The following MEI1 variants were observed in gnomAD, a reference collection of about 807,000 sequenced individuals.
The protein encoded by MEI1 is meiosis inhibitor protein 1.
A neutral mutation model predicts 146.2 loss-of-function variants in MEI1; 103 were observed. The ratio of observed to expected loss-of-function variants is 0.70; its 90% confidence interval spans 0.60 to 0.83. The LOEUF (loss-of-function observed/expected upper bound fraction) is 0.83, where lower values mean the gene tolerates loss of function less well. MEI1 is among the 40% of genes least tolerant of loss of function. The pLI is 0.00. For synonymous variants in MEI1, 652 were observed against 628.2 expected (o/e 1.04, Z -0.57); for missense variants, 1,529 against 1,533.0 (o/e 1.00, Z 0.04).
In MEI1 at chr22:41,732,610, G is replaced by C. The variant is rs1422469790; in HGVS notation, c.1331+7G>C. On this transcript the variant is annotated splice_region_variant and intron_variant, in intron 11 of 30. Transcript: ENST00000401548. The stretch of plus-strand genomic sequence containing the variant: ...CCACTTCTGCTTTTCTGAGGTGAGA[G>C]ACCCAGGCAGGCTGAACTTTCCATC... The C allele has an allele frequency of 2.5e-6, 4 of 1,611,114 alleles. No homozygotes were observed. The highest frequency in any genetic ancestry group is 3.4e-6 in the Non-Finnish European group (4 of 1,178,902).
intron 3 of MEI1, among the ~76,000 whole-genome samples, chr22:41,711,003 G>A (rs2069504147): frequency 6.6e-6 from 1 of 152,124 alleles, no homozygotes; most frequent in African/African-American, 2.4e-5. Flanking sequence ...GAGGGAAACA[G>A]GTGGATTAGC....
chr22:41,778,724 A>C lies in MEI1; in HGVS notation c.2727A>C (p.Pro909=). The change falls in exon 22 of 31, where the codon CCA becomes CCC. Residue 909 remains proline, a synonymous_variant. Transcript: ENST00000401548. ...TCTTCACAGCCTCGGGGAACCTACC[A>C]TTGCTGCTGAGCCTCCTCTCCCTGA... ...ASPSGASGNL[P]LLLSLLSLMQ... is the part of the protein sequence containing the mutation. 1 of 1,605,916 alleles carries C rather than the reference A, an allele frequency of 6.2e-7. No homozygotes were observed. The highest frequency in any genetic ancestry group is 8.5e-7 in the Non-Finnish European group (1 of 1,176,398).
chr22:41,770,952 C>T lies in MEI1; in HGVS notation c.2535C>T (p.Leu845=), dbSNP rs142374178. The change falls in exon 20 of 31, where the codon CTC becomes CTT. Residue 845 remains leucine (L), a synonymous_variant. Coordinates refer to ENST00000401548, the MANE Select transcript of MEI1 (RefSeq NM_152513.4). ...QLLRSIPSIL[L]ILLDLIYSSP... ...TCAGAAGCATCCCCAGCATCCTGCT[C>T]ATCTTGCTGGTAGGCAACCACTCAT... is the stretch of plus-strand genomic sequence containing the variant. The T allele has an allele frequency of 2.7e-4, 434 of 1,612,858 alleles. 1 individual carries two copies. In the African/African-American group the frequency reaches 5.3e-3, roughly 20 times the overall value.
intron 6 of MEI1, 24 bp downstream of exon 6, chr22:41,718,298 AAGGG>A (rs1453284813): frequency 5.0e-6 from 8 of 1,606,042 alleles, no homozygotes; most frequent in East Asian, 4.5e-5. Flanking sequence ...CTGGAGAAAA[AAGGG>A]AGAATAAGTT....
intron 20 of MEI1, among the ~76,000 whole-genome samples, chr22:41,775,352 C>T (rs1321711472): frequency 6.6e-6 from 1 of 152,086 alleles, no homozygotes; most frequent in Non-Finnish European, 1.5e-5. Context: ...CATCATTTCT[C>T]TTTCCTTCTT....
intron 2 of MEI1, 48 bp from the exon 3 acceptor site, chr22:41,705,456 C>T: frequency 1.3e-6 from 2 of 1,550,384 alleles, no homozygotes; most frequent in Non-Finnish European, 1.8e-6. Context: ...AGATGTGTGC[C>T]ACCGCGCCCT....
intron 6 of MEI1, 139 bp from the exon 7 acceptor site, chr22:41,723,804 G>A: frequency 9.0e-7 from 1 of 1,111,252 alleles, no homozygotes; most frequent in Non-Finnish European, 1.3e-6. Flanking sequence ...AAAGCAAATT[G>A]GTGCTTAAGG....
intron 18 of MEI1, among the ~76,000 whole-genome samples, chr22:41,759,660 T>TAAATAAATAAAA (rs767840041): frequency 2.6e-4 from 25 of 96,432 alleles, no homozygotes; most frequent in African/African-American, 7.5e-4. Context: ...AATAAATAAA[T>TAAATAAATAAAA]AAAAATAAAA....
At chr22:41,764,184 TCTC>T (rs2074696466) in intron 19 of MEI1, among the ~76,000 whole-genome samples, 1 of 152,120 alleles carries the variant, frequency 6.6e-6, no homozygotes, top group African/African-American at 2.4e-5. Flanking sequence ...ATGGTCTCAA[TCTC>T]CTGACCTCGT....
At position 41,743,643 on chromosome 22, in the gene MEI1, T is replaced by C. The variant is rs569717934; in HGVS notation, c.1446+449T>C. ...TTTAATAGCCTGTAGACTTAAGATA[T>C]CAGGAAAGACACTGTCAGTGTGAAT... On this transcript the variant is annotated intron_variant, in intron 12 of 30. Coordinates refer to ENST00000401548, the MANE Select transcript of MEI1 (RefSeq NM_152513.4). 2.6e-5 allele frequency among the ~76,000 whole-genome samples: 4 copies of C among 152,192 alleles called. 1 individual carries two copies. The highest frequency in any genetic ancestry group is 4.1e-4 in the South Asian group (2 of 4,832).
chr22:41,754,126 T>A (rs1180856306), intron 17 of MEI1, 80 bp downstream of exon 17: 3 of 1,033,704 alleles, frequency 2.9e-6, no homozygotes, highest in Non-Finnish European at 3.0e-6. Flanking sequence ...GACTAGATAG[T>A]GAGTTAGTAC....
At chr22:41,734,418 C>A (rs1174174255) in intron 11 of MEI1, among the ~76,000 whole-genome samples, 3 of 152,078 alleles carry the variant, frequency 2.0e-5, no homozygotes, top group Non-Finnish European at 1.5e-5. Flanking sequence ...GATGGTGAAA[C>A]CCTGTCTCTA....
chr22:41,764,354 C>T (rs2074707510), intron 19 of MEI1, among the ~76,000 whole-genome samples: 1 of 152,182 alleles, frequency 6.6e-6, no homozygotes, highest in Admixed American at 6.5e-5. Flanking sequence ...ATTAGTGGAT[C>T]TAGGCAATGA....
At chr22:41,735,880 A>G (rs564317905) in intron 11 of MEI1, among the ~76,000 whole-genome samples, 11 of 152,276 alleles carry the variant, frequency 7.2e-5, no homozygotes, top group African/African-American at 2.4e-4. Flanking sequence ...TACTAGCTAT[A>G]TGTTGATAAT....
At chr22:41,708,864 G>A (rs920539746) in intron 3 of MEI1, among the ~76,000 whole-genome samples, 1 of 152,194 alleles carries the variant, frequency 6.6e-6, no homozygotes, top group African/African-American at 2.4e-5. Context: ...AGGGAGTTAA[G>A]TCTATGCTGA....
At chr22:41,754,735 G>A (rs923829990) in intron 17 of MEI1, among the ~76,000 whole-genome samples, 2 of 152,146 alleles carry the variant, frequency 1.3e-5, no homozygotes, top group African/African-American at 4.8e-5. Context: ...CAGCCAAGAG[G>A]TGTTTCTTGA....
chr22:41,786,576 G>T (rs910137649), intron 26 of MEI1, among the ~76,000 whole-genome samples: 3 of 152,210 alleles, frequency 2.0e-5, no homozygotes, highest in Admixed American at 6.5e-5. Context: ...ATGGAAAAAA[G>T]ATTTCTCTTT....
intron 3 of MEI1, among the ~76,000 whole-genome samples, chr22:41,711,942 C>G (rs530988135): frequency 6.6e-6 from 1 of 151,860 alleles, no homozygotes; most frequent in East Asian, 2.0e-4. Context: ...GGCACAGTGG[C>G]TCACACCTAT....
chr22:41,751,397 G>A (rs935832017), intron 15 of MEI1, among the ~76,000 whole-genome samples: 3 of 152,188 alleles, frequency 2.0e-5, no homozygotes, highest in Non-Finnish European at 4.4e-5. Context: ...AGGGAAGGCA[G>A]AACAGAGGTT....
Sources: allele counts gnomAD v4.1 joint callset (sites outside exome capture counted in the v4.1 genomes callset), GRCh38; gene constraint gnomAD v4.1.1; transcripts MANE v1.5; gene names NCBI Gene and HGNC (gene_info 2026-07-23, HGNC 2026-07-21).